ZNF469: variants seen among roughly 807,000 people sequenced by gnomAD.
ZNF469 encodes the protein zinc finger protein 469.
Under a neutral mutation model 1.0 loss-of-function variants are expected in ZNF469, and 1 was observed. The observed-to-expected ratio is 1.00, with a 90% CI of 0.35 to 4.73. ZNF469 has a LOEUF of 4.73. ZNF469 is among the 30% of genes most tolerant of loss of function. The pLI is 0.16. For missense variants in ZNF469, 6,100 were observed against 5,356.3 expected (o/e 1.14, Z -4.33); for synonymous variants, 2,703 against 2,363.4 (o/e 1.14, Z -4.17).
the ZNF469 span, among the ~76,000 whole-genome samples, chr16:88,164,671 T>C: frequency 4.5e-3 from 681 of 152,280 alleles, 6 homozygotes; most frequent in African/African-American, 0.016. Flanking sequence ...ATGATTTCAC[T>C]GTGCTTTATG....
chr16:88,101,021 C>A, the ZNF469 span: 1 of 258,230 alleles, frequency 3.9e-6, no homozygotes, highest in Non-Finnish European at 7.6e-6. Flanking sequence ...CCTCTGCAGC[C>A]ACACACCACA....
At chr16:88,106,773 G>A in the ZNF469 span, among the ~76,000 whole-genome samples, 1 of 152,278 alleles carries the variant, frequency 6.6e-6, no homozygotes, top group Non-Finnish European at 1.5e-5. Context: ...GGATGCCATG[G>A]GACGGAGCTC....
At position 88,437,391 on chromosome 16, in the gene ZNF469, G is replaced by A. The variant is rs533072680; in HGVS notation, c.9921G>A (p.Thr3307=). The change falls in exon 3 of 3, where the codon ACG becomes ACA. Residue 3307 remains threonine, a synonymous_variant. Coordinates refer to ENST00000565624, the MANE Select transcript of ZNF469 (RefSeq NM_001367624.2). ...CCGGCAGCCCGGGCCCCCCCAGGAC[G>A]ACCCCCAGCCCGTCCCCCGACCCCT... ...ADAGSPGPPR[T]TPSPSPDPWA... 398 of 1,533,180 alleles carry A rather than the reference G, an allele frequency of 2.6e-4. 1 individual carries two copies. The South Asian group carries it at 2.9e-3, about 11-fold the overall frequency. 95.0% of individuals were successfully genotyped at this position (1,533,180 alleles called of 1,614,324 possible).
At chr16:88,326,515 G>A in the ZNF469 span, among the ~76,000 whole-genome samples, 131 of 152,240 alleles carry the variant, frequency 8.6e-4, 1 homozygote, top group African/African-American at 3.1e-3. Context: ...CCTGGGCCTC[G>A]GGGACATCCA....
At position 88,394,564 on chromosome 16, in the gene ZNF469, A is replaced by G. The variant is rs1012728855; in HGVS notation, c.-192+11310A>G. Among the ~76,000 whole-genome samples the G allele has an allele frequency of 3.9e-4, 60 of 152,328 alleles. 1 individual carries two copies. Among genetic ancestry groups the G allele is most frequent in the African/African-American group, 1.3e-3 (56 of 41,554 alleles). On this transcript the variant is annotated intron_variant, in intron 1 of 2. Transcript: ENST00000565624. ...AGGTGCCCGTGGCCAGGCACCTTGAAGGACAGGCCTGTGGGGTGTGAGGTG... is the reference window on the plus strand; with the variant it reads ...AGGTGCCCGTGGCCAGGCACCTTGAGGGACAGGCCTGTGGGGTGTGAGGTG...
rs151220895 is a variant in ZNF469, at chr16:88,397,772, A to C, written c.-192+14518A>C. Among the ~76,000 whole-genome samples, 933 of 152,280 alleles carry C rather than the reference A, an allele frequency of 6.1e-3. 13 individuals carry two copies. The highest frequency in any genetic ancestry group is 0.022 in the African/African-American group (898 of 41,544). ...TCTCTTCTTATGGTCATTCGAACGA[A>C]GGTGTCAATGTGGAGAATGTTGGAA... On this transcript the variant is annotated intron_variant, in intron 1 of 2. Coordinates refer to ENST00000565624, the MANE Select transcript of ZNF469 (RefSeq NM_001367624.2).
the ZNF469 span, among the ~76,000 whole-genome samples, chr16:88,355,400 G>A: frequency 6.7e-3 from 1,024 of 152,302 alleles, 9 homozygotes; most frequent in African/African-American, 0.023. Flanking sequence ...TCCCCGTCCC[G>A]CCACCATGGC....
chr16:88,275,020 G>A, the ZNF469 span, among the ~76,000 whole-genome samples: 1 of 152,236 alleles, frequency 6.6e-6, no homozygotes, highest in African/African-American at 2.4e-5. Context: ...AAGACAGAGT[G>A]AGTGTGTGGG....
At chr16:88,167,676 G>A in the ZNF469 span, among the ~76,000 whole-genome samples, 4 of 152,142 alleles carry the variant, frequency 2.6e-5, no homozygotes, top group Non-Finnish European at 5.9e-5. Flanking sequence ...TCCATCTCAG[G>A]AGCCACTCCG....
At chr16:88,401,249 G>A (rs919798151) in intron 1 of ZNF469, among the ~76,000 whole-genome samples, 5 of 152,344 alleles carry the variant, frequency 3.3e-5, no homozygotes, top group African/African-American at 9.6e-5. Context: ...ACAGTGCCAC[G>A]GGCACCGTGC....
chr16:88,221,376 C>T, the ZNF469 span, among the ~76,000 whole-genome samples: 1 of 152,200 alleles, frequency 6.6e-6, no homozygotes, highest in Non-Finnish European at 1.5e-5. Context: ...CACTATCGTG[C>T]CTGGCCGCCA....
the ZNF469 span, among the ~76,000 whole-genome samples, chr16:88,262,355 C>T: frequency 5.3e-5 from 8 of 152,150 alleles, no homozygotes; most frequent in Non-Finnish European, 1.0e-4. The surrounding 1 kb of genome is among the most constrained non-coding windows in gnomAD (Gnocchi z 4.3). Flanking sequence ...AGGGGTGGGG[C>T]GTTTGAACTG....
chr16:88,323,254 C>T, the ZNF469 span, among the ~76,000 whole-genome samples: 1 of 152,166 alleles, frequency 6.6e-6, no homozygotes, highest in African/African-American at 2.4e-5. Context: ...CTTGGTGGTG[C>T]AGTGCCATGC....
chr16:88,122,446 G>A, the ZNF469 span, among the ~76,000 whole-genome samples: 199 of 143,874 alleles, frequency 1.4e-3, no homozygotes, highest in Middle Eastern at 4.2e-3. Context: ...TCCGTCACTC[G>A]CTACGGCCAC....
Position 88,435,689 on chromosome 16 carries a change from T to G in ZNF469, c.8219T>G (p.Leu2740Arg), listed in dbSNP as rs531537482. 3.9e-6 allele frequency: 6 copies of G among 1,550,522 alleles called. No homozygotes were observed. In the African/African-American group the frequency reaches 8.2e-5, roughly 21 times the overall value. The change falls in exon 3 of 3, where the codon CTG (leucine) becomes CGG (arginine). Residue 2740 changes from leucine (L) to arginine (R), a missense_variant. By Grantham distance (102) the Leu-to-Arg change is moderately radical. Transcript: ENST00000565624. ...LCPGRMDGAA[L>R]GEQPTGQKGA... is the part of the protein sequence containing the mutation. ...CCAGGGAGGATGGATGGTGCAGCTC[T>G]GGGGGAACAGCCAACTGGGCAGAAG...
the ZNF469 span, among the ~76,000 whole-genome samples, chr16:88,297,829 G>C: frequency 3.7e-3 from 558 of 152,256 alleles, 4 homozygotes; most frequent in African/African-American, 0.013. Context: ...ACGTTTGCAG[G>C]GTCCAAGGAT....
At chr16:88,156,558 C>T in the ZNF469 span, among the ~76,000 whole-genome samples, 21 of 152,280 alleles carry the variant, frequency 1.4e-4, no homozygotes, top group Non-Finnish European at 2.2e-4. Context: ...GAAGTTGAAG[C>T]GTTAGATTTA....
rs574020033 is a variant in ZNF469 at position 88,431,340 on chromosome 16, C to A, written c.3870C>A (p.His1290Gln). 6.5e-7 allele frequency: 1 copy of A among 1,549,544 alleles called. No individual in the cohort carries two copies. The highest frequency in any genetic ancestry group is 1.2e-5 in the South Asian group (1 of 84,038). Residue 1290 changes from histidine to glutamine, a missense_variant, in exon 3 of 3, where the codon CAC (histidine) becomes CAA (glutamine). Physicochemically the swap from His to Gln is conservative, Grantham distance 24. Transcript: ENST00000565624. ...GAAGCCTCGCCAACACGGCGCCCCA[C>A]GGAAGCTCGCCAACGCCAGGTGTGG... is the stretch of plus-strand genomic sequence containing the variant. ...PSGSLANTAP[H>Q]GSSPTPGVGS... is the part of the protein sequence containing the mutation.
chr16:88,416,765 G>A (rs1905312465), intron 1 of ZNF469, among the ~76,000 whole-genome samples: 3 of 152,148 alleles, frequency 2.0e-5, no homozygotes, highest in Non-Finnish European at 4.4e-5. Context: ...GCAGGACCAC[G>A]CACCCTTCGC....
Sources: allele counts gnomAD v4.1 joint callset (sites outside exome capture counted in the v4.1 genomes callset), GRCh38; gene constraint gnomAD v4.1.1; non-coding constraint Gnocchi (gnomAD v3.1); transcripts MANE v1.5; gene names NCBI Gene and HGNC (gene_info 2026-07-23, HGNC 2026-07-21).